PXDN: variants seen among roughly 807,000 people sequenced by gnomAD.
The protein encoded by PXDN is peroxidasin homolog.
A neutral mutation model predicts 140.3 loss-of-function variants in PXDN; 77 were observed. That is an observed-to-expected ratio of 0.55 (90% CI 0.46 to 0.66). The LOEUF (loss-of-function observed/expected upper bound fraction) is 0.66. Among genes scored for constraint, PXDN ranks in the 30% least tolerant of loss-of-function variants. PXDN has a pLI of 0.00. For missense variants in PXDN, 1,838 were observed against 2,039.5 expected (o/e 0.90, Z 1.90); for synonymous variants, 911 against 857.4 (o/e 1.06, Z -1.09).
At chr2:1,727,474 C>T (rs991748346) in intron 1 of PXDN, among the ~76,000 whole-genome samples, 6 of 152,180 alleles carry the variant, frequency 3.9e-5, no homozygotes, top group African/African-American at 1.4e-4. Context: ...ATGGGGAAGC[C>T]GAGGCTTCAA....
At chr2:1,742,137 G>A (rs569587055) in intron 1 of PXDN, among the ~76,000 whole-genome samples, 1 of 152,308 alleles carries the variant, frequency 6.6e-6, no homozygotes, top group Admixed American at 6.5e-5. Context: ...GGCCACCAGC[G>A]CTACGCTCCT....
rs918953 is a variant in PXDN, at chr2:1,673,494, A to C, written c.1018+149T>G. The C allele has an allele frequency of 0.26, 274,508 of 1,048,236 alleles. 36,935 individuals carry two copies. Among genetic ancestry groups the C allele is most frequent in the South Asian group, 0.36 (22,436 of 62,100 alleles). The allele number at this position is 1,048,236 out of a possible 1,614,324, so 64.9% of individuals were successfully genotyped here. A position where few individuals can be genotyped will look rare whatever the true frequency, so the allele number is the denominator to read the frequency against. On this transcript the variant is annotated intron_variant, in intron 9 of 22. Transcript: ENST00000252804. ...ATGGATCATCTACGACCCTGCGCTT[A>C]GAAAGCTTTCTGAGCCAACCCTGGT...
chr2:1,644,587 G>A, intron 18 of PXDN, 31 bp downstream of exon 18: 4 of 1,561,944 alleles, frequency 2.6e-6, no homozygotes, highest in African/African-American at 2.7e-5. Flanking sequence ...TGGCTTAGGA[G>A]CGTGCTCCCC....
At chr2:1,677,757 G>A (rs966239141) in intron 7 of PXDN, among the ~76,000 whole-genome samples, 1 of 152,204 alleles carries the variant, frequency 6.6e-6, no homozygotes, top group African/African-American at 2.4e-5. Flanking sequence ...CAGCCATGAG[G>A]GAACCACACC....
In PXDN at chr2:1,660,995, G is replaced by A. The variant is rs573353663; in HGVS notation, c.1723C>T (p.Pro575Ser). The change falls in exon 14 of 23, where the codon CCT becomes TCT. Residue 575 changes from proline (P) to serine (S), a missense_variant. Physicochemically the swap from Pro to Ser is moderately conservative, Grantham distance 74. Coordinates refer to ENST00000252804, the MANE Select transcript of PXDN (RefSeq NM_012293.3). This position sits in a 1 kb window ranked among gnomAD's most constrained non-coding sequence, Gnocchi z 4.6. ...VTESGKFHISPEGFLTINDVG... is the reference protein window; with the variant it reads ...VTESGKFHISSEGFLTINDVG... ...TCATTGATGGTCAAGAATCCTTCAG[G>A]GCTGATGTGAAATTTTCCACTTTCT... 6.2e-7 allele frequency: 1 copy of A among 1,613,988 alleles called. No homozygotes were observed. Among genetic ancestry groups the A allele is most frequent in the East Asian group, 2.2e-5 (1 of 44,878 alleles).
At chr2:1,693,900 G>A (rs1041276969) in intron 1 of PXDN, among the ~76,000 whole-genome samples, 3 of 152,198 alleles carry the variant, frequency 2.0e-5, no homozygotes, top group Non-Finnish European at 4.4e-5. Flanking sequence ...CCCCAACCAC[G>A]GAGGCCACGG....
intron 1 of PXDN, among the ~76,000 whole-genome samples, chr2:1,730,698 C>T (rs1332152411): frequency 6.6e-6 from 1 of 152,182 alleles, no homozygotes; most frequent in Non-Finnish European, 1.5e-5. Context: ...TGGCTTCCTT[C>T]TAAGCCTCCA....
rs1166306750 is a variant in PXDN at position 1,651,911 on chromosome 2, C to T, written c.2104+1717G>A. 6.6e-6 allele frequency among the ~76,000 whole-genome samples: 1 copy of T among 152,222 alleles called. No homozygotes were observed. Among genetic ancestry groups the T allele is most frequent in the East Asian group, 1.9e-4 (1 of 5,198 alleles). ...TATTTCTTCCGTTTGTGACTGTAGG[C>T]CCTGGCCCAGGACAATGACTGGCAT... On this transcript the variant is annotated intron_variant, in intron 16 of 22. Transcript: ENST00000252804. The surrounding 1 kb of genome is among the most constrained non-coding windows in gnomAD (Gnocchi z 4.4).
chr2:1,728,550 G>A (rs1419614939), intron 1 of PXDN, among the ~76,000 whole-genome samples: 1 of 152,188 alleles, frequency 6.6e-6, no homozygotes, highest in African/African-American at 2.4e-5. Context: ...AGCTGACAAC[G>A]GCCCTCTTGT....
chr2:1,681,698 G>C (rs1004236992), intron 6 of PXDN, among the ~76,000 whole-genome samples: 1 of 152,106 alleles, frequency 6.6e-6, no homozygotes, highest in African/African-American at 2.4e-5. Flanking sequence ...CTCAGGTGAG[G>C]AGGCTGTGAG....
chr2:1,640,997 G>C (rs896848906), intron 19 of PXDN, among the ~76,000 whole-genome samples: 3 of 152,194 alleles, frequency 2.0e-5, no homozygotes, highest in African/African-American at 4.8e-5. Flanking sequence ...TCAGCGGCCT[G>C]GCCTGCACCT....
At chr2:1,724,002 A>G (rs1447339621) in intron 1 of PXDN, among the ~76,000 whole-genome samples, 2 of 152,218 alleles carry the variant, frequency 1.3e-5, no homozygotes, top group Non-Finnish European at 2.9e-5. Context: ...GTTTCATCTT[A>G]TTCCCAAAAG....
chr2:1,642,108 T>A (rs1363294367), intron 19 of PXDN, among the ~76,000 whole-genome samples: 1 of 152,156 alleles, frequency 6.6e-6, no homozygotes, highest in Admixed American at 6.5e-5. Flanking sequence ...ATAATTTTAT[T>A]TTTTATGTGA....
Position 1,658,665 on chromosome 2 carries a change from T to C in PXDN, c.1837+2216A>G, listed in dbSNP as rs576714724. Among the ~76,000 whole-genome samples, 27 of 152,168 alleles carry C rather than the reference T, an allele frequency of 1.8e-4. 1 individual carries two copies. The highest frequency in any genetic ancestry group is 6.3e-4 in the African/African-American group (26 of 41,508). On this transcript the variant is annotated intron_variant, in intron 14 of 22. Transcript: ENST00000252804. ...TGCTCCTCTGCTGGGAACTTCCTCA[T>C]GGCGTCCCGGTATGTCTGCAAGGAC...
At position 1,744,345 on chromosome 2, in the gene PXDN, C is replaced by T; in HGVS notation, c.111G>A (p.Pro37=). 1 of 1,527,710 alleles carries T rather than the reference C, an allele frequency of 6.5e-7. No homozygotes were observed. The highest frequency in any genetic ancestry group is 8.7e-7 in the Non-Finnish European group (1 of 1,143,752). The allele number at this position is 1,527,710 out of a possible 1,614,324, so 94.6% of individuals were successfully genotyped here. A position where few individuals can be genotyped will look rare whatever the true frequency, so the allele number is the denominator to read the frequency against. Reference sequence around the variant, plus strand: ...TGGTGCGGAAGCACAGGCAGCGGCTCGGACACCCTGCGCCCGGCTTCTGGG... The same window carrying T: ...TGGTGCGGAAGCACAGGCAGCGGCTTGGACACCCTGCGCCCGGCTTCTGGG... ...VVAQKPGAGC[P]SRCLCFRTTV... is the part of the protein sequence containing the mutation. Residue 37 remains proline (P), a synonymous_variant, in exon 1 of 23, where the codon CCG becomes CCA. Transcript: ENST00000252804.
At chr2:1,693,603 T>C (rs563668306) in intron 1 of PXDN, among the ~76,000 whole-genome samples, 1 of 152,338 alleles carries the variant, frequency 6.6e-6, no homozygotes, top group East Asian at 1.9e-4. Flanking sequence ...AGATTTAAAC[T>C]GAATGTTTCA....
Position 1,744,281 on chromosome 2 carries a change from C to G in PXDN, c.175G>C (p.Ala59Pro), listed in dbSNP as rs1392142805. 2 of 1,519,438 alleles carry G rather than the reference C, an allele frequency of 1.3e-6. No individual in the cohort carries two copies. 94.1% of individuals were successfully genotyped at this position (1,519,438 alleles called of 1,614,324 possible). A position where few individuals can be genotyped will look rare whatever the true frequency, so the allele number is the denominator to read the frequency against. Reference protein sequence around the residue: ...CMHLLLEAVPAVAPQTSILDL... With the variant: ...CMHLLLEAVPPVAPQTSILDL... ...AGGATGGAGGTCTGCGGCGCCACGGCGGGCACGGCCTCCAGCAGCAGATGC... is the reference window on the plus strand; with the variant it reads ...AGGATGGAGGTCTGCGGCGCCACGGGGGGCACGGCCTCCAGCAGCAGATGC... Residue 59 changes from alanine to proline, a missense_variant, in exon 1 of 23, where the codon GCC (alanine) becomes CCC (proline). This residue lies in a region of PXDN where 231 missense variants were observed against 201.5 expected (regional missense o/e 1.15). Coordinates refer to ENST00000252804, the MANE Select transcript of PXDN (RefSeq NM_012293.3).
intron 1 of PXDN, among the ~76,000 whole-genome samples, chr2:1,716,936 A>C (rs1271597787): frequency 2.6e-5 from 4 of 152,164 alleles, no homozygotes. Context: ...CAGAAAAAGA[A>C]GGCGTCACTA....
At chr2:1,672,221 A>G (rs953174761) in intron 9 of PXDN, 2 of 152,210 alleles carry the variant, frequency 1.3e-5, no homozygotes, top group African/African-American at 4.8e-5. Flanking sequence ...TATACTAAAT[A>G]GGGCTGCTGT....
Sources: allele counts gnomAD v4.1 joint callset (sites outside exome capture counted in the v4.1 genomes callset), GRCh38; gene constraint gnomAD v4.1.1; regional missense constraint gnomAD v4.1.1; non-coding constraint Gnocchi (gnomAD v3.1); transcripts MANE v1.5; gene names NCBI Gene and HGNC (gene_info 2026-07-23, HGNC 2026-07-21).